Variants in HS3ST4 observed in about 807,000 individuals in gnomAD.
The protein encoded by HS3ST4 is heparan sulfate glucosamine 3-O-sulfotransferase 4.
HS3ST4 carries 17 observed loss-of-function variants against 29.2 expected under a neutral mutation model. The ratio of observed to expected loss-of-function variants is 0.58; its 90% CI spans 0.40 to 0.87. The LOEUF (loss-of-function observed/expected upper bound fraction) is 0.87, where lower values mean the gene tolerates loss of function less well. Among genes scored for constraint, HS3ST4 ranks in the 40% least tolerant of loss-of-function variants. The pLI is 0.00. For missense variants in HS3ST4, 627 were observed against 634.5 expected (o/e 0.99, Z 0.13); for synonymous variants, 314 against 285.7 (o/e 1.10, Z -1.00).
chr16:25,911,450 C>G (rs1438260407), intron 1 of HS3ST4, among the ~76,000 whole-genome samples: 1 of 150,936 alleles, frequency 6.6e-6, no homozygotes, highest in Non-Finnish European at 1.5e-5. Context: ...TCTCCCATTC[C>G]CCAGCATCTG....
chr16:25,847,410 T>C (rs1056505215), intron 1 of HS3ST4, among the ~76,000 whole-genome samples: 1 of 152,196 alleles, frequency 6.6e-6, no homozygotes, highest in Admixed American at 6.5e-5. Context: ...TAGTTTTTGT[T>C]GGGTCAAGAA....
At chr16:26,064,343 G>A (rs1370474151) in intron 1 of HS3ST4, among the ~76,000 whole-genome samples, 2 of 152,182 alleles carry the variant, frequency 1.3e-5, no homozygotes, top group African/African-American at 4.8e-5. Flanking sequence ...TGTCCAAGGT[G>A]CTTAGGGTAT....
At chr16:25,781,573 C>T (rs1371830943) in intron 1 of HS3ST4, among the ~76,000 whole-genome samples, 1 of 152,134 alleles carries the variant, frequency 6.6e-6, no homozygotes, top group Non-Finnish European at 1.5e-5. Context: ...CTAATTTAAT[C>T]CTCACCCCTC....
chr16:26,024,270 C>T (rs1374866472), intron 1 of HS3ST4, among the ~76,000 whole-genome samples: 1 of 151,212 alleles, frequency 6.6e-6, no homozygotes, highest in Non-Finnish European at 1.5e-5. Flanking sequence ...GCACTTAGCT[C>T]AGTGCATGGT....
intron 1 of HS3ST4, among the ~76,000 whole-genome samples, chr16:25,932,696 T>C (rs1011479729): frequency 2.0e-5 from 3 of 152,230 alleles, no homozygotes; most frequent in African/African-American, 7.2e-5. Flanking sequence ...CATGATCCTA[T>C]GTACCCTTCA....
chr16:25,855,153 T>C (rs1967562865), intron 1 of HS3ST4, among the ~76,000 whole-genome samples: 3 of 152,134 alleles, frequency 2.0e-5, no homozygotes, highest in Admixed American at 2.0e-4. Context: ...GATTGAAAGA[T>C]TTTCTGATTG....
intron 1 of HS3ST4, among the ~76,000 whole-genome samples, chr16:26,086,506 T>G (rs967410181): frequency 2.0e-5 from 3 of 152,052 alleles, no homozygotes; most frequent in African/African-American, 7.2e-5. Flanking sequence ...CCTGCCACCA[T>G]GCCCAGCTAA....
intron 1 of HS3ST4, among the ~76,000 whole-genome samples, chr16:26,036,595 GGAGA>G (rs1969585323): frequency 6.6e-6 from 1 of 152,050 alleles, no homozygotes; most frequent in Non-Finnish European, 1.5e-5. Context: ...TGAAGTTCTG[GGAGA>G]GAAAGGAAGA....
At chr16:26,003,830 GA>G (rs1233758143) in intron 1 of HS3ST4, among the ~76,000 whole-genome samples, 2 of 152,230 alleles carry the variant, frequency 1.3e-5, no homozygotes, top group South Asian at 2.1e-4. Flanking sequence ...TGCAGGGTGG[GA>G]AAAGTAGACT....
chr16:25,796,854 T>C (rs1966888883), intron 1 of HS3ST4, among the ~76,000 whole-genome samples: 1 of 152,192 alleles, frequency 6.6e-6, no homozygotes, highest in Non-Finnish European at 1.5e-5. Flanking sequence ...GAGGTAACTT[T>C]TGCCATGGCA....
At chr16:25,882,959 C>T (rs530670161) in intron 1 of HS3ST4, among the ~76,000 whole-genome samples, 5 of 152,240 alleles carry the variant, frequency 3.3e-5, no homozygotes, top group South Asian at 4.2e-4. Flanking sequence ...GGGAGGGTGA[C>T]AGAGAACTCA....
intron 1 of HS3ST4, among the ~76,000 whole-genome samples, chr16:25,943,573 T>C (rs1170341239): frequency 6.6e-6 from 1 of 152,088 alleles, no homozygotes; most frequent in East Asian, 1.9e-4. Flanking sequence ...AAAAAAATAC[T>C]GAGGATGATT....
In HS3ST4 at chr16:25,796,535, A is replaced by C. The variant is rs114693726; in HGVS notation, c.734+103384A>C. 9.0e-3 allele frequency among the ~76,000 whole-genome samples: 1,378 copies of C among 152,322 alleles called. 21 individuals carry two copies. Among genetic ancestry groups the C allele is most frequent in the African/African-American group, 0.031 (1,288 of 41,568 alleles). On this transcript the variant is annotated intron_variant, in intron 1 of 1. Coordinates refer to ENST00000331351, the MANE Select transcript of HS3ST4 (RefSeq NM_006040.3). ...TATCAGTTCATTGTTGCCACTGAGCAACCGAGTATGGCATTGCAAAAAAAA... is the reference window on the plus strand; with the variant it reads ...TATCAGTTCATTGTTGCCACTGAGCCACCGAGTATGGCATTGCAAAAAAAA...
chr16:25,982,526 C>T (rs1271289902), intron 1 of HS3ST4, among the ~76,000 whole-genome samples: 1 of 152,164 alleles, frequency 6.6e-6, no homozygotes, highest in Non-Finnish European at 1.5e-5. Flanking sequence ...ATGGTGCTTC[C>T]CTGTTTAAAA....
chr16:26,047,308 A>C (rs1898283325), intron 1 of HS3ST4, among the ~76,000 whole-genome samples: 1 of 151,952 alleles, frequency 6.6e-6, no homozygotes, highest in Admixed American at 6.6e-5. Context: ...TGCATCAAGG[A>C]CTCTTCCCTT....
intron 1 of HS3ST4, among the ~76,000 whole-genome samples, chr16:26,019,729 T>TCGA (rs1415121037): frequency 6.6e-6 from 1 of 152,200 alleles, no homozygotes; most frequent in Admixed American, 6.5e-5. Flanking sequence ...AACATTAACA[T>TCGA]GGATCGAGGG....
At chr16:26,033,717 GAGAA>G (rs1969555275) in intron 1 of HS3ST4, among the ~76,000 whole-genome samples, 1 of 151,944 alleles carries the variant, frequency 6.6e-6, no homozygotes, top group African/African-American at 2.4e-5. Context: ...GCGAGACCTT[GAGAA>G]AGAAAGACGG....
chr16:25,692,926 A>T lies in HS3ST4; in HGVS notation c.509A>T (p.Asp170Val). ...EAQESSTTDE[D>V]LAGRRAANGS... is the part of the protein sequence containing the mutation. ...CAGGAGTCCAGCACCACCGACGAGGATCTCGCAGGCCGGAGAGCGGCCAAC... is the reference window on the plus strand; with the variant it reads ...CAGGAGTCCAGCACCACCGACGAGGTTCTCGCAGGCCGGAGAGCGGCCAAC... The change falls in exon 1 of 2, where the codon GAT becomes GTT. Residue 170 changes from aspartate (D) to valine (V), a missense_variant. By Grantham distance (152) the Asp-to-Val change is radical (BLOSUM62 -3). Coordinates refer to ENST00000331351, the MANE Select transcript of HS3ST4 (RefSeq NM_006040.3). The T allele has an allele frequency of 1.2e-6, 2 of 1,605,378 alleles. No individual in the cohort carries two copies. Among genetic ancestry groups the T allele is most frequent in the Non-Finnish European group, 8.5e-7 (1 of 1,176,734 alleles).
At chr16:25,729,310 C>G (rs1315038457) in intron 1 of HS3ST4, among the ~76,000 whole-genome samples, 2 of 152,116 alleles carry the variant, frequency 1.3e-5, no homozygotes, top group Non-Finnish European at 2.9e-5. Context: ...CTTGTGGTTT[C>G]CTGCATTGGC....
Sources: allele counts gnomAD v4.1 joint callset (sites outside exome capture counted in the v4.1 genomes callset), GRCh38; gene constraint gnomAD v4.1.1; transcripts MANE v1.5; gene names NCBI Gene and HGNC (gene_info 2026-07-23, HGNC 2026-07-21).